Variants in AUTS2 observed in about 807,000 individuals in gnomAD.
The protein encoded by AUTS2 is autism susceptibility gene 2 protein.
AUTS2 carries 17 observed loss-of-function variants against 112.4 expected under a neutral mutation model. The observed-to-expected ratio is 0.15, with a 90% CI of 0.10 to 0.23. The LOEUF is 0.23. AUTS2 is among the 10% of genes least tolerant of loss of function. AUTS2 has a pLI of 1.00. For missense variants in AUTS2, 1,510 were observed against 1,701.6 expected, an observed-to-expected ratio of 0.89 and a Z score of 1.98; for synonymous variants, 751 against 702.7, an observed-to-expected ratio of 1.07 and a Z score of -1.09.
In AUTS2 at chr7:69,599,223, A is replaced by C; in HGVS notation, c.-431A>C. On this transcript the variant is annotated 5_prime_UTR_variant, in exon 1 of 19. An upstream start codon of the reference 5' UTR is lost. Coordinates refer to ENST00000342771, the MANE Select transcript of AUTS2 (RefSeq NM_015570.4). The surrounding 1 kb of genome is among the most constrained non-coding windows in gnomAD (Gnocchi z 7.0). ...CGGGGGGCGGGGGGCGCGGCGGAGA[A>C]TGGCCGCGGGGAGGGCTCCCCGGAG... The C allele has an allele frequency of 7.1e-6, 1 of 141,598 alleles. No homozygotes were observed. 8.8% of individuals were successfully genotyped at this position (141,598 alleles called of 1,614,324 possible). A position where few individuals can be genotyped will look rare whatever the true frequency, so the allele number is the denominator to read the frequency against.
intron 2 of AUTS2, among the ~76,000 whole-genome samples, chr7:70,049,516 G>A (rs1045419305): frequency 3.3e-5 from 5 of 151,940 alleles, no homozygotes; most frequent in Non-Finnish European, 7.4e-5. Flanking sequence ...TTTTAGTAGG[G>A]ACAGAGTTTC....
At chr7:70,290,561 G>A in intron 4 of AUTS2, 1 of 1,486,226 alleles carries the variant, frequency 6.7e-7, no homozygotes, top group South Asian at 1.4e-5. Flanking sequence ...ATGTGATATA[G>A]ATTCTGTTGA....
chr7:70,012,813 G>C (rs1799864596), intron 2 of AUTS2, among the ~76,000 whole-genome samples: 1 of 152,198 alleles, frequency 6.6e-6, no homozygotes, highest in South Asian at 2.1e-4. Flanking sequence ...TTTCAGATCA[G>C]ATAGCTGGGT....
intron 4 of AUTS2, among the ~76,000 whole-genome samples, chr7:70,385,595 A>C (rs540626471): frequency 6.6e-6 from 1 of 152,118 alleles, no homozygotes; most frequent in South Asian, 2.1e-4. Context: ...AGGACCAAGG[A>C]GGGCCAGGTG....
chr7:69,616,419 A>G (rs1409811391), intron 1 of AUTS2, among the ~76,000 whole-genome samples: 1 of 152,064 alleles, frequency 6.6e-6, no homozygotes, highest in Non-Finnish European at 1.5e-5. Context: ...TGCAGCCTAG[A>G]GGCTCAGTGG....
intron 5 of AUTS2, among the ~76,000 whole-genome samples, chr7:70,685,262 C>T (rs909016000): frequency 2.0e-5 from 3 of 151,858 alleles, no homozygotes; most frequent in African/African-American, 7.3e-5. Context: ...CACTTGAGGT[C>T]GGGAGTTCGA....
At chr7:69,625,693 A>G (rs117339465) in intron 1 of AUTS2, among the ~76,000 whole-genome samples, 2,177 of 152,150 alleles carry the variant, frequency 0.014, 28 homozygotes, top group Non-Finnish European at 0.02. Context: ...ACCCTGTTCT[A>G]TAAAAAATTT....
At chr7:70,311,570 GT>G (rs769894821) in intron 4 of AUTS2, among the ~76,000 whole-genome samples, 17 of 151,956 alleles carry the variant, frequency 1.1e-4, no homozygotes, top group Non-Finnish European at 1.9e-4. Flanking sequence ...GTTTTGTTTT[GT>G]TTTTTGTTAC....
intron 14 of AUTS2, among the ~76,000 whole-genome samples, chr7:70,778,584 AG>A (rs11330104): frequency 0.65 from 97,118 of 149,154 alleles, 31,886 homozygotes; most frequent in Middle Eastern, 0.8. Context: ...AAAAAAAAAA[AG>A]AGTAAAAAAT....
At chr7:70,125,767 T>C (rs541068362) in intron 3 of AUTS2, among the ~76,000 whole-genome samples, 2 of 152,340 alleles carry the variant, frequency 1.3e-5, no homozygotes, top group South Asian at 4.1e-4. Flanking sequence ...CACCCTACTT[T>C]TTTCTCTTCT....
At chr7:69,843,923 C>T (rs955553820) in intron 1 of AUTS2, among the ~76,000 whole-genome samples, 1 of 152,112 alleles carries the variant, frequency 6.6e-6, no homozygotes, top group Non-Finnish European at 1.5e-5. Context: ...TTTACTTGAG[C>T]GCTCAATGCT....
chr7:70,523,930 C>T (rs1799740657), intron 5 of AUTS2, among the ~76,000 whole-genome samples: 1 of 152,214 alleles, frequency 6.6e-6, no homozygotes, highest in Admixed American at 6.5e-5. Flanking sequence ...ACTGTAATTC[C>T]TTCACACAAG....
rs772243706 is a variant in AUTS2, at chr7:70,637,355, G to A, written c.691-61214G>A. Among the ~76,000 whole-genome samples, 9 of 152,274 alleles carry A rather than the reference G, an allele frequency of 5.9e-5. No individual in the cohort carries two copies. In the South Asian group the frequency reaches 6.2e-4, roughly 11 times the overall value. The stretch of plus-strand genomic sequence containing the variant: ...GTAGATAGGGTTGAAACCATAGTAC[G>A]TTGCGTATATACCACCACCCTTCCA... On this transcript the variant is annotated intron_variant, in intron 5 of 18. Transcript: ENST00000342771.
At chr7:69,647,236 TTTC>T (rs1795066044) in intron 1 of AUTS2, among the ~76,000 whole-genome samples, 1 of 152,212 alleles carries the variant, frequency 6.6e-6, no homozygotes. Context: ...ACTCAATTTT[TTTC>T]TTATCTCCAA....
intron 1 of AUTS2, among the ~76,000 whole-genome samples, chr7:69,713,753 G>A (rs1325512929): frequency 6.6e-6 from 1 of 152,104 alleles, no homozygotes; most frequent in Non-Finnish European, 1.5e-5. Flanking sequence ...GAACCACTGT[G>A]CCCGGCCTTA....
intron 2 of AUTS2, among the ~76,000 whole-genome samples, chr7:69,966,881 A>G (rs531819530): frequency 6.6e-6 from 1 of 152,304 alleles, no homozygotes; most frequent in Admixed American, 6.5e-5. Flanking sequence ...CTGAAAAGAA[A>G]TATGTCTATA....
intron 2 of AUTS2, among the ~76,000 whole-genome samples, chr7:70,064,684 A>G (rs538280945): frequency 8.4e-4 from 128 of 152,330 alleles, no homozygotes; most frequent in Non-Finnish European, 1.4e-3. Context: ...CTGATGGACC[A>G]TGGGTAGATA....
chr7:70,017,665 A>G (rs866829641), intron 2 of AUTS2, among the ~76,000 whole-genome samples: 1 of 152,168 alleles, frequency 6.6e-6, no homozygotes, highest in Non-Finnish European at 1.5e-5. Flanking sequence ...TGTTCTGCTC[A>G]GACACAAATA....
chr7:70,118,110 T>C (rs996149189), intron 2 of AUTS2, 22 bp from the exon 3 acceptor site: 2 of 1,572,414 alleles, frequency 1.3e-6, no homozygotes, highest in African/African-American at 2.8e-5. Context: ...TTTTCCTTTT[T>C]TCTCTTTTCT....
Sources: allele counts gnomAD v4.1 joint callset (sites outside exome capture counted in the v4.1 genomes callset), GRCh38; gene constraint gnomAD v4.1.1; non-coding constraint Gnocchi (gnomAD v3.1); transcripts MANE v1.5; gene names NCBI Gene and HGNC (gene_info 2026-07-23, HGNC 2026-07-21).